The following HIF3A variants were observed in gnomAD, a reference collection of about 807,000 sequenced individuals.
HIF3A encodes the protein hypoxia-inducible factor 3-alpha.
HIF3A carries 41 observed loss-of-function variants against 67.2 expected under a neutral mutation model. The ratio of observed to expected loss-of-function variants is 0.61; its 90% confidence interval spans 0.48 to 0.79. HIF3A has a LOEUF of 0.79. Among genes scored for constraint, HIF3A ranks in the 30% least tolerant of loss-of-function variants. HIF3A has a pLI of 0.00. For synonymous variants in HIF3A, 356 were observed against 374.8 expected (o/e 0.95, Z 0.58); for missense variants, 855 against 898.0 (o/e 0.95, Z 0.61).
rs759153478 is a variant in HIF3A, at chr19:46,331,224, G to T, written c.1781G>T (p.Arg594Met). ...CTGCTGGGAGTGAGACCTCCCAAAA[G>T]GTCCCCCAGCCCAGAACACGAAAAC... The part of the protein sequence containing the change: ...VELLGVRPPK[R>M]SPSPEHENFL... The change falls in exon 13 of 15, where the codon AGG becomes ATG. Residue 594 changes from arginine to methionine, a missense_variant. Transcript: ENST00000377670. The T allele has an allele frequency of 1.2e-6, 2 of 1,613,926 alleles. No homozygotes were observed. Among genetic ancestry groups the T allele is most frequent in the African/African-American group, 1.3e-5 (1 of 74,882 alleles).
rs1342682466 is a variant in HIF3A at position 46,336,071 on chromosome 19, T to TTC, written c.1912+1099_1912+1100dup. Among the ~76,000 whole-genome samples, 304 of 149,078 alleles carry TTC rather than the reference T, an allele frequency of 2.0e-3. 1 individual carries two copies. The highest frequency in any genetic ancestry group is 2.8e-3 in the African/African-American group (115 of 40,442). On this transcript the variant is annotated intron_variant, in intron 14 of 14. Coordinates refer to ENST00000377670, the MANE Select transcript of HIF3A (RefSeq NM_152795.4). ...ATTTATTTTCACATTTTTATTTTCT[T>TTC]TCTCTCTCTCTCTCTTTTTTTTTTT...
chr19:46,327,177 A>T (rs115311947), intron 11 of HIF3A, among the ~76,000 whole-genome samples: 4,389 of 151,794 alleles, frequency 0.029, 214 homozygotes, highest in African/African-American at 0.099. Flanking sequence ...TATATATATA[A>T]AAATAGAGAC....
At chr19:46,298,890 C>T (rs545279821) in intron 1 of HIF3A, among the ~76,000 whole-genome samples, 1 of 95,892 alleles carries the variant, frequency 1.0e-5, no homozygotes, top group Non-Finnish European at 2.4e-5. Flanking sequence ...CGTAAGACGC[C>T]CCCCCCCAAT....
In HIF3A at chr19:46,331,243, C is replaced by G. The variant is rs760138491; in HGVS notation, c.1800C>G (p.His600Gln). The G allele has an allele frequency of 6.2e-7, 1 of 1,613,934 alleles. No individual in the cohort carries two copies. The highest frequency in any genetic ancestry group is 1.3e-5 in the African/African-American group (1 of 74,994). ...CCAAAAGGTCCCCCAGCCCAGAACA[C>G]GAAAACTTTCTGCTCTTTCCTCTCA... ...RPPKRSPSPE[H>Q]ENFLLFPLSL... The change falls in exon 13 of 15, where the codon CAC becomes CAG. Residue 600 changes from histidine (H) to glutamine (Q), a missense_variant. Transcript: ENST00000377670.
chr19:46,332,105 T>G (rs73940679), intron 13 of HIF3A, among the ~76,000 whole-genome samples: 32,117 of 152,014 alleles, frequency 0.21, 5,733 homozygotes, highest in African/African-American at 0.48. Flanking sequence ...TTGGGCAGGT[T>G]ACGTCACCAC....
intron 10 of HIF3A, among the ~76,000 whole-genome samples, chr19:46,324,985 T>TA (rs1555785451): frequency 7.8e-6 from 1 of 127,916 alleles, no homozygotes; most frequent in Non-Finnish European, 1.6e-5. Flanking sequence ...CACACATATA[T>TA]TGTGTGTGTG....
In HIF3A at chr19:46,342,787, A is replaced by C; in HGVS notation, c.*3165A>C. On this transcript the variant is annotated 3_prime_UTR_variant, in exon 15 of 15. Coordinates refer to ENST00000377670, the MANE Select transcript of HIF3A (RefSeq NM_152795.4). ...CTTCCCACCCCACTGAACTTACCCAATTCCTTCTTTCAGTCTTAAGTTTTC... is the reference window on the plus strand; with the variant it reads ...CTTCCCACCCCACTGAACTTACCCACTTCCTTCTTTCAGTCTTAAGTTTTC... 3 of 151,450 alleles carry C rather than the reference A, an allele frequency of 2.0e-5. No individual in the cohort carries two copies. The highest frequency in any genetic ancestry group is 2.1e-4 in the South Asian group (1 of 4,780). 9.4% of individuals were successfully genotyped at this position (151,450 alleles called of 1,614,324 possible).
chr19:46,302,377 G>A (rs528139461), intron 1 of HIF3A, among the ~76,000 whole-genome samples: 33 of 152,120 alleles, frequency 2.2e-4, no homozygotes, highest in African/African-American at 7.5e-4. Flanking sequence ...TGATCCGCCC[G>A]CCTCGGCCTC....
Position 46,340,566 on chromosome 19 carries a change from T to C in HIF3A, c.*944T>C, listed in dbSNP as rs2147341230. 6.6e-6 allele frequency: 1 copy of C among 152,514 alleles called. No individual in the cohort carries two copies. The highest frequency in any genetic ancestry group is 2.4e-5 in the African/African-American group (1 of 41,552). 9.4% of individuals were successfully genotyped at this position (152,514 alleles called of 1,614,324 possible). On this transcript the variant is annotated 3_prime_UTR_variant, in exon 15 of 15. Transcript: ENST00000377670. ...CCCAGGCTGGAGTGCAGTGGCGCGATTTCAGCTTACTGCAGCCTCCGCGCC... is the reference window on the plus strand; with the variant it reads ...CCCAGGCTGGAGTGCAGTGGCGCGACTTCAGCTTACTGCAGCCTCCGCGCC...
At chr19:46,325,706 A>T in intron 11 of HIF3A, 67 bp downstream of exon 11, 3 of 1,058,044 alleles carry the variant, frequency 2.8e-6, no homozygotes, top group Non-Finnish European at 4.4e-6. Context: ...ATGTGGCTTT[A>T]GAGAAGGGTA....
At chr19:46,333,788 C>CTTTTTTTTTTT (rs1165101162) in intron 13 of HIF3A, among the ~76,000 whole-genome samples, 75 of 103,564 alleles carry the variant, frequency 7.2e-4, no homozygotes, top group African/African-American at 1.7e-3. Flanking sequence ...TTCTTTCTTT[C>CTTTTTTTTTTT]TTTTTTTTTT....
chr19:46,316,488 C>T (rs1969924823), intron 8 of HIF3A, among the ~76,000 whole-genome samples: 1 of 151,848 alleles, frequency 6.6e-6, no homozygotes, highest in Non-Finnish European at 1.5e-5. Context: ...TCCATGACAA[C>T]ATTATGAGGC....
At position 46,342,397 on chromosome 19, in the gene HIF3A, T is replaced by A. The variant is rs1971962915; in HGVS notation, c.*2775T>A. 7.0e-6 allele frequency: 1 copy of A among 142,806 alleles called. No individual in the cohort carries two copies. The highest frequency in any genetic ancestry group is 1.5e-5 in the Non-Finnish European group (1 of 66,772). The allele number at this position is 142,806 out of a possible 1,614,324, so 8.8% of individuals were successfully genotyped here. A position where few individuals can be genotyped will look rare whatever the true frequency, so the allele number is the denominator to read the frequency against. ...ATTTTAGGCTTTTGTTTTTCCTTTT[T>A]TTTGTTAAAAAAAAAAAAATAGAGA... is the stretch of plus-strand genomic sequence containing the variant. On this transcript the variant is annotated 3_prime_UTR_variant, in exon 15 of 15. Coordinates refer to ENST00000377670, the MANE Select transcript of HIF3A (RefSeq NM_152795.4).
intron 3 of HIF3A, 90 bp from the exon 4 acceptor site, chr19:46,308,131 G>C: frequency 1.2e-6 from 1 of 851,964 alleles, no homozygotes; most frequent in Non-Finnish European, 2.1e-6. Context: ...AAATCATCCA[G>C]GCTCATGAAT....
In HIF3A at chr19:46,331,180, C is replaced by T. The variant is rs772319491; in HGVS notation, c.1737C>T (p.Asp579=). ...GGACCCTGGCCCAGAGCTCAGAGGA[C>T]GAGGACGAGGGAGTGGAGCTGCTGG... ...RKRTLAQSSE[D]EDEGVELLGV... Residue 579 remains aspartate (D), a synonymous_variant, in exon 13 of 15, where the codon GAC becomes GAT. Coordinates refer to ENST00000377670, the MANE Select transcript of HIF3A (RefSeq NM_152795.4). 2.0e-5 allele frequency: 32 copies of T among 1,613,572 alleles called. No homozygotes were observed. The highest frequency in any genetic ancestry group is 1.6e-4 in the Middle Eastern group (1 of 6,072).
chr19:46,298,366 C>T, intron 1 of HIF3A: 2 of 1,266,442 alleles, frequency 1.6e-6, no homozygotes, highest in Non-Finnish European at 2.1e-6. Flanking sequence ...CTCGGGTGCC[C>T]CCCCTCCCCA....
chr19:46,329,065 T>C (rs1259169358), intron 11 of HIF3A, 142 bp from the exon 12 acceptor site: 9 of 742,376 alleles, frequency 1.2e-5, no homozygotes. Flanking sequence ...AGGGAGTCCT[T>C]ATACCCATTT....
chr19:46,342,629 C>T lies in HIF3A; in HGVS notation c.*3007C>T, dbSNP rs1409931961. 6.6e-6 allele frequency: 1 copy of T among 152,196 alleles called. No homozygotes were observed. The highest frequency in any genetic ancestry group is 1.5e-5 in the Non-Finnish European group (1 of 68,048). 9.4% of individuals were successfully genotyped at this position (152,196 alleles called of 1,614,324 possible). A position where few individuals can be genotyped will look rare whatever the true frequency, so the allele number is the denominator to read the frequency against. On this transcript the variant is annotated 3_prime_UTR_variant, in exon 15 of 15. Coordinates refer to ENST00000377670, the MANE Select transcript of HIF3A (RefSeq NM_152795.4). ...CCTTTGATTTCAGATCCAAATTCCT[C>T]TGATTCTATAATTCAGCCTCCAAAT...
At chr19:46,322,711 G>A (rs111798976) in intron 10 of HIF3A, among the ~76,000 whole-genome samples, 162 of 152,264 alleles carry the variant, frequency 1.1e-3, no homozygotes, top group Admixed American at 5.6e-3. Context: ...AGAGTGCTGG[G>A]ATTACAGGTG....
Sources: allele counts gnomAD v4.1 joint callset (sites outside exome capture counted in the v4.1 genomes callset), GRCh38; gene constraint gnomAD v4.1.1; transcripts MANE v1.5; gene names NCBI Gene and HGNC (gene_info 2026-07-23, HGNC 2026-07-21).